The following MAF variants were observed in gnomAD, a reference collection of about 807,000 sequenced individuals.
The protein encoded by MAF is MAF bZIP transcription factor.
A neutral mutation model predicts 22.0 loss-of-function variants in MAF; 10 were observed. The ratio of observed to expected loss-of-function variants is 0.45; its 90% CI spans 0.28 to 0.77. The LOEUF is 0.77. Among genes scored for constraint, MAF ranks in the 30% least tolerant of loss-of-function variants. MAF has a pLI of 0.12. For missense variants in MAF, 544 were observed against 548.4 expected, an observed-to-expected ratio of 0.99 and a Z score of 0.08; for synonymous variants, 337 against 255.8, an observed-to-expected ratio of 1.32 and a Z score of -3.03.
At chr16:79,308,862 A>C in the MAF span, among the ~76,000 whole-genome samples, 1 of 152,074 alleles carries the variant, frequency 6.6e-6, no homozygotes, top group African/African-American at 2.4e-5. Flanking sequence ...TCCTTTCCTA[A>C]CGCCCAGAAA....
chr16:79,400,914 C>G, the MAF span, among the ~76,000 whole-genome samples: 1 of 152,246 alleles, frequency 6.6e-6, no homozygotes, highest in East Asian at 1.9e-4. Flanking sequence ...TGTCCAAAGT[C>G]TGAGCAGCTG....
chr16:79,303,324 C>A, the MAF span, among the ~76,000 whole-genome samples: 1 of 152,292 alleles, frequency 6.6e-6, no homozygotes, highest in East Asian at 1.9e-4. Flanking sequence ...CCTCACCAGG[C>A]AGATAAATAG....
chr16:79,427,096 G>T, the MAF span, among the ~76,000 whole-genome samples: 205 of 152,320 alleles, frequency 1.3e-3, no homozygotes, highest in African/African-American at 4.7e-3. Flanking sequence ...CTAATCTGTT[G>T]TGAGGACCAC....
the MAF span, among the ~76,000 whole-genome samples, chr16:79,322,627 C>G: frequency 6.6e-6 from 1 of 151,998 alleles, no homozygotes; most frequent in African/African-American, 2.4e-5. Context: ...CAAAGAATTC[C>G]ACAAATAAAT....
the MAF span, among the ~76,000 whole-genome samples, chr16:79,383,061 G>T: frequency 6.6e-6 from 1 of 152,110 alleles, no homozygotes; most frequent in South Asian, 2.1e-4. Flanking sequence ...CAAAAGAATA[G>T]ATAATAACTC....
chr16:79,316,948 G>C, the MAF span, among the ~76,000 whole-genome samples: 694 of 152,294 alleles, frequency 4.6e-3, 10 homozygotes, highest in African/African-American at 0.016. Context: ...AATTCACCTA[G>C]CGAAGGTTCA....
At chr16:79,364,997 G>A in the MAF span, among the ~76,000 whole-genome samples, 7 of 152,300 alleles carry the variant, frequency 4.6e-5, no homozygotes, top group East Asian at 1.2e-3. Context: ...GTTTGTAGAG[G>A]CAAGACAAAA....
chr16:79,320,457 C>A, the MAF span, among the ~76,000 whole-genome samples: 1 of 152,178 alleles, frequency 6.6e-6, no homozygotes, highest in Non-Finnish European at 1.5e-5. Context: ...CCCATGAGTT[C>A]AGTGGAAATG....
the MAF span, among the ~76,000 whole-genome samples, chr16:79,464,818 A>G: frequency 7.9e-5 from 12 of 152,320 alleles, no homozygotes; most frequent in South Asian, 2.1e-3. Flanking sequence ...GTTACAGCAG[A>G]TGGCGAATAT....
At chr16:79,373,265 C>A in the MAF span, among the ~76,000 whole-genome samples, 1 of 145,240 alleles carries the variant, frequency 6.9e-6, no homozygotes, top group African/African-American at 2.5e-5. Context: ...CAGGTGGGAC[C>A]TTTAAGTGGT....
the MAF span, among the ~76,000 whole-genome samples, chr16:79,535,695 TCTCCTGAGTAGGAGTCCTCAGC>T: frequency 6.6e-6 from 1 of 150,850 alleles, no homozygotes; most frequent in African/African-American, 2.4e-5. Flanking sequence ...TTCAAGCAGT[TCTCCTGAGTAGGAGTCCTCAGC>T]CTCCTGAGTA....
At chr16:79,597,483 T>G in intron 1 of MAF, 3 of 1,024,816 alleles carry the variant, frequency 2.9e-6, no homozygotes, top group Non-Finnish European at 3.5e-6. Context: ...GTCATTCTTA[T>G]TAAAAAGAAA....
the MAF span, among the ~76,000 whole-genome samples, chr16:79,468,422 A>C: frequency 6.6e-6 from 1 of 152,158 alleles, no homozygotes; most frequent in African/African-American, 2.4e-5. Flanking sequence ...CCTCATGGCA[A>C]ATGTGTCCTC....
At chr16:79,521,099 C>G in the MAF span, among the ~76,000 whole-genome samples, 1 of 152,168 alleles carries the variant, frequency 6.6e-6, no homozygotes, top group Non-Finnish European at 1.5e-5. Flanking sequence ...TGAAGTAAAG[C>G]AAGAATGCAT....
chr16:79,595,097 G>GT, intron 1 of MAF: 2 of 1,027,670 alleles, frequency 1.9e-6, no homozygotes, highest in Non-Finnish European at 2.3e-6. Context: ...CTTCTTCAGA[G>GT]TTTGTGTATC....
chr16:79,584,230 C>T (rs1194080659), downstream of MAF, among the ~76,000 whole-genome samples: 1 of 152,060 alleles, frequency 6.6e-6, no homozygotes, highest in Non-Finnish European at 1.5e-5. Context: ...AGCCAGAGAG[C>T]AGAAAAGCTA....
the MAF span, among the ~76,000 whole-genome samples, chr16:79,506,381 G>C: frequency 2.6e-5 from 4 of 152,134 alleles, no homozygotes; most frequent in African/African-American, 9.7e-5. Context: ...TTTGAACAGA[G>C]AGTGGCTCAA....
chr16:79,538,125 GA>G, the MAF span, among the ~76,000 whole-genome samples: 1 of 151,936 alleles, frequency 6.6e-6, no homozygotes, highest in Non-Finnish European at 1.5e-5. Flanking sequence ...AAACAATTTT[GA>G]AAAAGAAGAA....
At chr16:79,560,145 A>G in the MAF span, among the ~76,000 whole-genome samples, 1 of 151,984 alleles carries the variant, frequency 6.6e-6, no homozygotes, top group East Asian at 1.9e-4. Flanking sequence ...CCCTGGCCTC[A>G]AGCAATTCTC....
Sources: allele counts gnomAD v4.1 joint callset (sites outside exome capture counted in the v4.1 genomes callset), GRCh38; gene constraint gnomAD v4.1.1; transcripts MANE v1.5; gene names NCBI Gene and HGNC (gene_info 2026-07-23, HGNC 2026-07-21).